MCM4: variants seen among roughly 807,000 people sequenced by gnomAD.
The protein encoded by MCM4 is minichromosome maintenance complex component 4, also known as DNA replication licensing factor MCM4.
MCM4 carries 60 observed loss-of-function variants against 88.7 expected under a neutral mutation model. The observed-to-expected ratio is 0.68, with a 90% CI of 0.55 to 0.84. The LOEUF is 0.84. Among genes scored for constraint, MCM4 ranks in the 40% least tolerant of loss-of-function variants. The pLI is 0.00. For missense variants in MCM4, 1,149 were observed against 1,105.5 expected (o/e 1.04, Z -0.56); for synonymous variants, 465 against 410.5 (o/e 1.13, Z -1.61).
chr8:47,962,819 T>G lies in MCM4; in HGVS notation c.557T>G (p.Ile186Arg), dbSNP rs556469233. The G allele has an allele frequency of 1.2e-5, 20 of 1,609,316 alleles. No homozygotes were observed. Among genetic ancestry groups the G allele is most frequent in the Non-Finnish European group, 8.5e-7 (1 of 1,178,888 alleles). The change falls in exon 6 of 17, where the codon ATA (isoleucine) becomes AGA (arginine). Residue 186 changes from isoleucine (I) to arginine (R), a missense_variant. Coordinates refer to ENST00000649973, the MANE Select transcript of MCM4 (RefSeq NM_182746.3). ...GCTAAAGAAGAAGAAAATGTTGGCATAGATATTACTGAACCTCTATACATG... is the reference window on the plus strand; with the variant it reads ...GCTAAAGAAGAAGAAAATGTTGGCAGAGATATTACTGAACCTCTATACATG... ...PLAKEEENVG[I>R]DITEPLYMQR...
At chr8:47,966,558 C>T (rs2090900669) in intron 9 of MCM4, 151 bp downstream of exon 9, 1 of 749,476 alleles carries the variant, frequency 1.3e-6, no homozygotes, top group Admixed American at 2.7e-5. Context: ...GGCCTATGGG[C>T]TAAATATGCA....
At chr8:47,969,068 C>T (rs1331064870) in intron 10 of MCM4, 3 of 152,234 alleles carry the variant, frequency 2.0e-5, no homozygotes, top group Non-Finnish European at 1.5e-5. Context: ...ACGAACCCAG[C>T]ATTGAGCTAG....
chr8:47,976,128 AT>A (rs2090998692), intron 16 of MCM4, among the ~76,000 whole-genome samples: 1 of 152,030 alleles, frequency 6.6e-6, no homozygotes, highest in African/African-American at 2.4e-5. Context: ...CCCTGTCTCT[AT>A]TAAAAATACA....
intron 13 of MCM4, among the ~76,000 whole-genome samples, chr8:47,972,364 G>A (rs527381011): frequency 1.3e-5 from 2 of 152,156 alleles, no homozygotes; most frequent in East Asian, 3.9e-4. Flanking sequence ...ACTAGGGACA[G>A]CACAGGGTGA....
chr8:47,962,909 T>C (rs756109953), intron 6 of MCM4, 36 bp from the exon 7 acceptor site: 3 of 1,572,636 alleles, frequency 1.9e-6, no homozygotes, highest in South Asian at 2.3e-5. Context: ...AATAGTTAAA[T>C]TAGCAAAATA....
intron 7 of MCM4, among the ~76,000 whole-genome samples, chr8:47,963,878 A>G (rs184953196): frequency 6.6e-6 from 1 of 152,332 alleles, no homozygotes; most frequent in Non-Finnish European, 1.5e-5. Context: ...CTGTTTCCTC[A>G]TCTGTAAAAT....
At position 47,961,212 on chromosome 8, in the gene MCM4, C is replaced by G. The variant is rs1281405597; in HGVS notation, c.68C>G (p.Thr23Arg). The change falls in exon 2 of 17, where the codon ACG (threonine) becomes AGG (arginine). Residue 23 changes from threonine (T) to arginine (R), a missense_variant and splice_region_variant. By Grantham distance (71) the Thr-to-Arg change is moderately conservative. Coordinates refer to ENST00000649973, the MANE Select transcript of MCM4 (RefSeq NM_182746.3). Reference sequence around the variant, plus strand: ...CGTGGAAGGGCCACCCCCGCCCAGACGCGTGAGTCCCCCGAGCCGGGCCCA... The same window carrying G: ...CGTGGAAGGGCCACCCCCGCCCAGAGGCGTGAGTCCCCCGAGCCGGGCCCA... ...SRRGRATPAQ[T>R]PRSEDARSSP... 8.6e-6 allele frequency: 13 copies of G among 1,513,126 alleles called. No individual in the cohort carries two copies. In the South Asian group the frequency reaches 1.5e-4, roughly 17 times the overall value. The allele number at this position is 1,513,126 out of a possible 1,614,324, so 93.7% of individuals were successfully genotyped here.
intron 7 of MCM4, among the ~76,000 whole-genome samples, chr8:47,963,322 T>C (rs775885451): frequency 3.3e-5 from 5 of 151,992 alleles, no homozygotes; most frequent in Non-Finnish European, 7.4e-5. Context: ...GACATGGTGG[T>C]GCATGCCTGT....
rs368877632 is a variant in MCM4, at chr8:47,970,893, A to G, written c.1800+17A>G. 35 of 1,567,220 alleles carry G rather than the reference A, an allele frequency of 2.2e-5. No homozygotes were observed. Among genetic ancestry groups the G allele is most frequent in the Non-Finnish European group, 2.9e-5 (33 of 1,153,914 alleles). On this transcript the variant is annotated intron_variant, in intron 12 of 16. Transcript: ENST00000649973. ...ATTGCAAAGGTGAGTCGCCTTCTCCACCGTGAACATGGACGTGTTTAAAAT... is the reference window on the plus strand; with the variant it reads ...ATTGCAAAGGTGAGTCGCCTTCTCCGCCGTGAACATGGACGTGTTTAAAAT...
rs773264700 is a variant in MCM4, at chr8:47,970,577, C to T, written c.1501C>T (p.Arg501Trp). 3.7e-6 allele frequency: 6 copies of T among 1,614,020 alleles called. No homozygotes were observed. In the South Asian group the frequency reaches 4.4e-5, roughly 12 times the overall value. ...TAGTCACACTGGAAGGGGCAAATTT[C>T]GGGCTGAGATCAACATCTTGCTGTG... ...DFSHTGRGKF[R>W]AEINILLCGD... Residue 501 changes from arginine to tryptophan, a missense_variant, in exon 12 of 17, where the codon CGG becomes TGG. Transcript: ENST00000649973.
chr8:47,973,213 C>G (rs1426891003), intron 14 of MCM4, 149 bp downstream of exon 14: 1 of 787,956 alleles, frequency 1.3e-6, no homozygotes, highest in Non-Finnish European at 2.0e-6. Flanking sequence ...CTCTCTTGCC[C>G]AGGCTGGAGT....
Position 47,971,463 on chromosome 8 carries a change from A to G in MCM4, c.1923A>G (p.Leu641=), listed in dbSNP as rs1173989419. 1 of 1,613,998 alleles carries G rather than the reference A, an allele frequency of 6.2e-7. No homozygotes were observed. The highest frequency in any genetic ancestry group is 1.7e-5 in the Admixed American group (1 of 60,026). The change falls in exon 13 of 17, where the codon TTA becomes TTG. Residue 641 remains leucine (L), a synonymous_variant. Transcript: ENST00000649973. The part of the protein sequence containing the change: ...IENIQLPHTL[L]SRFDLIFLLL... ...ACATCCAGCTGCCTCATACTTTATTATCAAGGTATTAAAACAGATTTTTAT... is the reference window on the plus strand; with the variant it reads ...ACATCCAGCTGCCTCATACTTTATTGTCAAGGTATTAAAACAGATTTTTAT...
chr8:47,962,910 TA>T, intron 6 of MCM4, 34 bp from the exon 7 acceptor site: 1 of 1,569,050 alleles, frequency 6.4e-7, no homozygotes, highest in Non-Finnish European at 8.7e-7. Context: ...ATAGTTAAAT[TA>T]GCAAAATATA....
chr8:47,973,118 A>C (rs1456838926), intron 14 of MCM4, 54 bp downstream of exon 14: 18 of 1,404,180 alleles, frequency 1.3e-5, no homozygotes, highest in Non-Finnish European at 1.8e-5. Context: ...CATTAATGTA[A>C]CTGACCAATC....
intron 7 of MCM4, among the ~76,000 whole-genome samples, 170 bp from the exon 8 acceptor site, chr8:47,964,404 A>G (rs2090878110): frequency 6.6e-6 from 1 of 152,230 alleles, no homozygotes; most frequent in South Asian, 2.1e-4. Flanking sequence ...ATATGCAGAA[A>G]TAGATAGTTC....
At chr8:47,962,889 C>T (rs201754609) in intron 6 of MCM4, 30 bp downstream of exon 6, 14 of 1,573,836 alleles carry the variant, frequency 8.9e-6, no homozygotes, top group South Asian at 3.5e-5. Context: ...ATTCAAGTTA[C>T]GTGTTTTAAA....
At chr8:47,973,448 T>G (rs1353555075) in intron 14 of MCM4, among the ~76,000 whole-genome samples, 9 of 152,162 alleles carry the variant, frequency 5.9e-5, no homozygotes, top group Admixed American at 5.9e-4. Context: ...AGTGTTAGGA[T>G]TGCAGGCGCA....
intron 10 of MCM4, 64 bp from the exon 11 acceptor site, chr8:47,969,734 G>A: frequency 6.3e-7 from 1 of 1,579,276 alleles, no homozygotes; most frequent in East Asian, 2.2e-5. Context: ...GCCTACGCTG[G>A]TTGCTGAGCC....
rs1255985473 is a variant in MCM4, at chr8:47,972,981, G to A, written c.2053G>A (p.Ala685Thr). Residue 685 changes from alanine (A) to threonine (T), a missense_variant, in exon 14 of 17, where the codon GCG becomes ACG. Coordinates refer to ENST00000649973, the MANE Select transcript of MCM4 (RefSeq NM_182746.3). ...EQAEEELLDM[A>T]VLKDYIAYAH... ...GGCAGAGGAGGAGCTCCTGGACATG[G>A]CGGTGCTAAAGGACTACATTGCCTA... 1 of 1,614,180 alleles carries A rather than the reference G, an allele frequency of 6.2e-7. No homozygotes were observed. Among genetic ancestry groups the A allele is most frequent in the South Asian group, 1.1e-5 (1 of 91,084 alleles).
Sources: allele counts gnomAD v4.1 joint callset (sites outside exome capture counted in the v4.1 genomes callset), GRCh38; gene constraint gnomAD v4.1.1; transcripts MANE v1.5; gene names NCBI Gene and HGNC (gene_info 2026-07-23, HGNC 2026-07-21).